Variants in ARHGEF4 observed in about 807,000 individuals in gnomAD.
ARHGEF4 encodes the protein Rho guanine nucleotide exchange factor 4, also known as APC-stimulated guanine nucleotide exchange factor 1.
Under a neutral mutation model 162.0 loss-of-function variants are expected in ARHGEF4, and 119 were observed. That is an observed-to-expected ratio of 0.73 (90% CI 0.63 to 0.86). ARHGEF4 has a LOEUF of 0.86. ARHGEF4 is among the 40% of genes least tolerant of loss of function. The pLI, the probability that ARHGEF4 is intolerant of heterozygous loss-of-function variation, is 0.00. For missense variants in ARHGEF4, 2,488 were observed against 2,456.0 expected (o/e 1.01, Z -0.28); for synonymous variants, 1,014 against 979.9 (o/e 1.03, Z -0.65).
chr2:130,848,656 G>A (rs922147021), intron 1 of ARHGEF4, among the ~76,000 whole-genome samples: 23 of 152,184 alleles, frequency 1.5e-4, no homozygotes, highest in African/African-American at 5.5e-4. Flanking sequence ...CCTCCCTCCA[G>A]TGCCGGGCTT....
At chr2:130,941,991 G>T (rs986585977) in intron 3 of ARHGEF4, among the ~76,000 whole-genome samples, 2 of 152,146 alleles carry the variant, frequency 1.3e-5, no homozygotes, top group Non-Finnish European at 2.9e-5. Flanking sequence ...GATTAAAGTA[G>T]ATTTTGAGAG....
chr2:131,026,747 A>C (rs1689497159), intron 4 of ARHGEF4, among the ~76,000 whole-genome samples: 1 of 152,132 alleles, frequency 6.6e-6, no homozygotes, highest in African/African-American at 2.4e-5. Flanking sequence ...CAATCACAAG[A>C]GCTGGCTGGG....
intron 4 of ARHGEF4, among the ~76,000 whole-genome samples, chr2:131,017,258 A>G (rs568481435): frequency 6.6e-6 from 1 of 152,270 alleles, no homozygotes; most frequent in East Asian, 1.9e-4. Context: ...CAGACAAGTG[A>G]CTGGCTCTCC....
chr2:131,011,971 T>C (rs1688481975), intron 4 of ARHGEF4: 2 of 695,026 alleles, frequency 2.9e-6, no homozygotes, highest in Non-Finnish European at 5.3e-6. Flanking sequence ...TAGGGCTAGC[T>C]GATGGACTTG....
chr2:131,007,780 C>A, intron 4 of ARHGEF4, among the ~76,000 whole-genome samples: 2 of 131,754 alleles, frequency 1.5e-5, no homozygotes, highest in Admixed American at 7.8e-5. Flanking sequence ...AAATATAAAG[C>A]TAAATTATTC....
At chr2:130,904,150 T>A (rs866181713) in intron 1 of ARHGEF4, among the ~76,000 whole-genome samples, 1 of 152,160 alleles carries the variant, frequency 6.6e-6, no homozygotes, top group Non-Finnish European at 1.5e-5. Flanking sequence ...GTGTAAGAGC[T>A]CCCTTTTCTC....
rs757273022 is a variant in ARHGEF4, at chr2:131,044,421, G to A, written c.5280G>A (p.Arg1760=). The part of the protein sequence containing the change: ...DLHVSIKNAF[R]LHRGATGDSH... ...ATGTGAGCATCAAGAACGCCTTCCG[G>A]CTGCACCGTGGCGCCACAGGGGACA... The change falls in exon 12 of 14, where the codon CGG becomes CGA. Residue 1760 remains arginine, a synonymous_variant. Coordinates refer to ENST00000409359, the MANE Select transcript of ARHGEF4 (RefSeq NM_001367493.1). 7.6e-6 allele frequency: 12 copies of A among 1,569,390 alleles called. No individual in the cohort carries two copies. The highest frequency in any genetic ancestry group is 9.5e-6 in the Non-Finnish European group (11 of 1,157,228).
In ARHGEF4 at chr2:130,846,038, C is replaced by T. The variant is rs550426678; in HGVS notation, c.39+9046C>T. Among the ~76,000 whole-genome samples the T allele has an allele frequency of 1.1e-3, 168 of 151,974 alleles. 1 individual carries two copies. Among genetic ancestry groups the T allele is most frequent in the Non-Finnish European group, 2.2e-3 (149 of 67,980 alleles). Reference sequence around the variant, plus strand: ...GCTTCCAGTGTGTGAGTTTATTGTGCGTCAGTTACACCTCGATCAAGCCAG... The same window carrying T: ...GCTTCCAGTGTGTGAGTTTATTGTGTGTCAGTTACACCTCGATCAAGCCAG... On this transcript the variant is annotated intron_variant, in intron 1 of 13. Transcript: ENST00000409359.
intron 4 of ARHGEF4, among the ~76,000 whole-genome samples, chr2:130,961,253 C>G (rs1045729225): frequency 6.6e-6 from 1 of 152,224 alleles, no homozygotes; most frequent in South Asian, 2.1e-4. Context: ...CATGGCACAC[C>G]TGGTCTGCAG....
At chr2:130,912,679 G>T (rs1681260014) in intron 1 of ARHGEF4, among the ~76,000 whole-genome samples, 1 of 152,150 alleles carries the variant, frequency 6.6e-6, no homozygotes, top group Admixed American at 6.5e-5. Context: ...GCCAGCTCTG[G>T]GCCTGGGGGA....
chr2:130,909,606 A>C lies in ARHGEF4; in HGVS notation c.40-4380A>C, dbSNP rs535348549. Among the ~76,000 whole-genome samples the C allele has an allele frequency of 3.9e-5, 6 of 152,296 alleles. No homozygotes were observed. In the South Asian group the frequency reaches 1.2e-3, roughly 32 times the overall value. On this transcript the variant is annotated intron_variant, in intron 1 of 13. Transcript: ENST00000409359. The stretch of plus-strand genomic sequence containing the variant: ...ATGTGTGTCAAAACTTTGACTGTAC[A>C]CTTGAAATATGTGTGGCTTTTTTAT...
rs368452142 is a variant in ARHGEF4, at chr2:130,988,901, T to TAGAGAGAGAGAGAGAGAG, written c.3986-39026_3986-39009dup. Among the ~76,000 whole-genome samples the TAGAGAGAGAGAGAGAGAG allele has an allele frequency of 3.5e-5, 4 of 113,366 alleles. No individual in the cohort carries two copies. The East Asian group carries it at 1.1e-3, about 32-fold the overall frequency. 74.4% of individuals were successfully genotyped at this position (113,366 alleles called of 152,430 possible). Reference sequence around the variant, plus strand: ...ATATATATATATATATATATATATATAGAGAGAGAGAGAGAGAGAGAGAGA... The same window carrying TAGAGAGAGAGAGAGAGAG: ...ATATATATATATATATATATATATATAGAGAGAGAGAGAGAGAGAGAGAGAGAGAGAGAGAGAGAGAGA... On this transcript the variant is annotated intron_variant, in intron 4 of 13. Coordinates refer to ENST00000409359, the MANE Select transcript of ARHGEF4 (RefSeq NM_001367493.1).
intron 2 of ARHGEF4, among the ~76,000 whole-genome samples, chr2:130,926,007 G>GTT (rs1171600223): frequency 2.8e-5 from 2 of 72,200 alleles, no homozygotes; most frequent in Non-Finnish European, 6.3e-5. Context: ...TATTTGTTTG[G>GTT]TTTTCTCTCT....
chr2:130,899,335 TAA>T (rs1464907328), intron 1 of ARHGEF4, among the ~76,000 whole-genome samples: 1 of 152,190 alleles, frequency 6.6e-6, no homozygotes, highest in Admixed American at 6.5e-5. Flanking sequence ...CAGGCAATTA[TAA>T]CCCAGCCTAA....
chr2:130,940,069 A>T (rs536885412), intron 3 of ARHGEF4, among the ~76,000 whole-genome samples: 4 of 152,092 alleles, frequency 2.6e-5, no homozygotes, highest in Non-Finnish European at 5.9e-5. Flanking sequence ...TCTAGTGTGT[A>T]TTCTTTTTAT....
intron 4 of ARHGEF4, among the ~76,000 whole-genome samples, chr2:130,970,305 T>G (rs1303404922): frequency 6.6e-6 from 1 of 152,156 alleles, no homozygotes; most frequent in Non-Finnish European, 1.5e-5. Context: ...AAAGCCATTC[T>G]AGGTTGGGCA....
intron 2 of ARHGEF4, 136 bp downstream of exon 2, chr2:130,917,634 GC>G (rs891066656): frequency 4.5e-5 from 51 of 1,141,328 alleles, no homozygotes; most frequent in African/African-American, 2.7e-4. Flanking sequence ...ACTCCCAGCC[GC>G]CCCCCCTCCC....
intron 4 of ARHGEF4, among the ~76,000 whole-genome samples, chr2:130,961,365 A>G (rs1200296516): frequency 6.6e-6 from 1 of 152,194 alleles, no homozygotes; most frequent in Non-Finnish European, 1.5e-5. Context: ...AGATCTGAAG[A>G]CCAAGAAGGA....
At chr2:130,872,190 G>A (rs1023785353) in intron 1 of ARHGEF4, among the ~76,000 whole-genome samples, 2 of 152,190 alleles carry the variant, frequency 1.3e-5, no homozygotes, top group Non-Finnish European at 2.9e-5. Context: ...TTGATAAAGT[G>A]GATTAGCTCT....
Sources: allele counts gnomAD v4.1 joint callset (sites outside exome capture counted in the v4.1 genomes callset), GRCh38; gene constraint gnomAD v4.1.1; transcripts MANE v1.5; gene names NCBI Gene and HGNC (gene_info 2026-07-23, HGNC 2026-07-21).